ZNF644: variants seen among roughly 807,000 people sequenced by gnomAD.
ZNF644 encodes the protein zinc finger motif enhancer binding protein 2.
In ZNF644, 20 loss-of-function variants were observed where a neutral mutation model predicts 108.0. The ratio of observed to expected loss-of-function variants is 0.19; its 90% confidence interval spans 0.13 to 0.27. ZNF644 has a LOEUF of 0.27. Ranked by LOEUF, ZNF644 falls within the 10% of genes least tolerant of loss-of-function variation. The probability of loss-of-function intolerance (pLI) is 1.00; values close to 1 mark genes in which losing one functional copy is unlikely to be tolerated. For synonymous variants in ZNF644, 542 were observed against 539.1 expected, an observed-to-expected ratio of 1.01 and a Z score of -0.08; for missense variants, 1,338 against 1,548.9, an observed-to-expected ratio of 0.86 and a Z score of 2.29.
intron 1 of ZNF644, among the ~76,000 whole-genome samples, chr1:91,004,954 CAA>C (rs1659270110): frequency 6.6e-6 from 1 of 151,836 alleles, no homozygotes; most frequent in African/African-American, 2.4e-5. Context: ...ACATAGAAAA[CAA>C]AGAGCAAAAT....
chr1:90,927,429 T>G (rs1650172409), intron 4 of ZNF644, among the ~76,000 whole-genome samples: 1 of 152,092 alleles, frequency 6.6e-6, no homozygotes, highest in Non-Finnish European at 1.5e-5. Flanking sequence ...TAGTAGAGTA[T>G]CTATAAGGGT....
At chr1:90,998,208 C>G (rs1040531987) in intron 1 of ZNF644, among the ~76,000 whole-genome samples, 1 of 152,164 alleles carries the variant, frequency 6.6e-6, no homozygotes, top group East Asian at 1.9e-4. Context: ...GTGGTTCTCC[C>G]AGGACGGAGT....
intron 4 of ZNF644, among the ~76,000 whole-genome samples, chr1:90,929,073 T>TTGTTC (rs1484375073): frequency 6.6e-6 from 1 of 152,216 alleles, no homozygotes; most frequent in Non-Finnish European, 1.5e-5. Flanking sequence ...TTCTCTTGCA[T>TTGTTC]TTAAAAAGTC....
At chr1:90,991,329 AG>A (rs1657617476) in intron 1 of ZNF644, among the ~76,000 whole-genome samples, 1 of 152,228 alleles carries the variant, frequency 6.6e-6, no homozygotes, top group Non-Finnish European at 1.5e-5. Flanking sequence ...CATTCATATG[AG>A]AAGATAAAAT....
chr1:90,940,225 C>T lies in ZNF644; in HGVS notation c.1129G>A (p.Val377Ile). 1 of 1,613,970 alleles carries T rather than the reference C, an allele frequency of 6.2e-7. No individual in the cohort carries two copies. Among genetic ancestry groups the T allele is most frequent in the Non-Finnish European group, 8.5e-7 (1 of 1,179,950 alleles). Residue 377 changes from valine to isoleucine, a missense_variant, in exon 3 of 6, where the codon GTT becomes ATT. Physicochemically the swap from Val to Ile is conservative, Grantham distance 29 (BLOSUM62 3). Around this residue, in one of 6 missense-constraint regions of ZNF644, gnomAD observed 464 missense variants for 457.9 expected, o/e 1.01. Coordinates refer to ENST00000337393, the MANE Select transcript of ZNF644 (RefSeq NM_201269.3). ...TTTGAAAGAAAAGTGCTAGTATGAA[C>T]AGGTGAACTCTCTTCTCCACACTTA... ...PDKCGEESSP[V>I]HTSTFLSNTL...
chr1:90,958,771 AAAGAATG>A (rs1311045296), intron 2 of ZNF644, among the ~76,000 whole-genome samples: 2 of 152,176 alleles, frequency 1.3e-5, no homozygotes, highest in African/African-American at 4.8e-5. Context: ...ACCACGTGCA[AAAGAATG>A]AAGTTGGAAG....
intron 1 of ZNF644, 33 bp from the exon 2 acceptor site, chr1:90,982,403 AT>A (rs1326776684): frequency 1.3e-6 from 2 of 1,557,362 alleles, no homozygotes; most frequent in Middle Eastern, 1.7e-4. Context: ...CCAAGGTTTA[AT>A]TTTTTGTTTC....
chr1:91,007,123 T>C (rs1659500477), intron 1 of ZNF644, among the ~76,000 whole-genome samples: 1 of 151,760 alleles, frequency 6.6e-6, no homozygotes, highest in Non-Finnish European at 1.5e-5. Flanking sequence ...GATGTGGTTC[T>C]TTTTTTTCAG....
At chr1:90,927,884 C>T (rs140716248) in intron 4 of ZNF644, among the ~76,000 whole-genome samples, 3,250 of 152,012 alleles carry the variant, frequency 0.021, 46 homozygotes, top group Middle Eastern at 0.058. Flanking sequence ...TGCTCTGTTG[C>T]CCAGGCTGGA....
At chr1:90,933,346 C>T (rs1650949641) in intron 4 of ZNF644, among the ~76,000 whole-genome samples, 1 of 152,084 alleles carries the variant, frequency 6.6e-6, no homozygotes. Context: ...ATTCAGTCTT[C>T]ACCAGAATAG....
At chr1:90,981,276 G>A (rs1405323356) in intron 2 of ZNF644, among the ~76,000 whole-genome samples, 4 of 152,016 alleles carry the variant, frequency 2.6e-5, no homozygotes, top group African/African-American at 9.7e-5. Context: ...TACACAACAA[G>A]AGGAGGTACT....
At chr1:90,979,510 C>T (rs1373689293) in intron 2 of ZNF644, among the ~76,000 whole-genome samples, 2 of 152,014 alleles carry the variant, frequency 1.3e-5, no homozygotes, top group Non-Finnish European at 2.9e-5. Flanking sequence ...TTTATATATG[C>T]TACATTACAT....
chr1:90,940,860 G>C lies in ZNF644; in HGVS notation c.494C>G (p.Thr165Arg), dbSNP rs201646151. 6.2e-6 allele frequency: 10 copies of C among 1,614,014 alleles called. No individual in the cohort carries two copies. In the East Asian group the frequency reaches 2.2e-4, roughly 36 times the overall value. The change falls in exon 3 of 6, where the codon ACA (threonine) becomes AGA (arginine). Residue 165 changes from threonine to arginine, a missense_variant. Physicochemically the swap from Thr to Arg is moderately conservative, Grantham distance 71 (BLOSUM62 -1). Around this residue, in one of 6 missense-constraint regions of ZNF644, gnomAD observed 464 missense variants for 457.9 expected, o/e 1.01. Coordinates refer to ENST00000337393, the MANE Select transcript of ZNF644 (RefSeq NM_201269.3). ...TTGGTGTTGACTTGCTTTCTGTGGTGTAGACAGCTGAAGATCAGCTGCTAC... is the reference window on the plus strand; with the variant it reads ...TTGGTGTTGACTTGCTTTCTGTGGTCTAGACAGCTGAAGATCAGCTGCTAC... Reference protein sequence around the residue: ...LKVAADLQLSTPQKASQHQVL... With the variant: ...LKVAADLQLSRPQKASQHQVL...
intron 1 of ZNF644, among the ~76,000 whole-genome samples, chr1:90,996,385 C>T (rs1658146384): frequency 6.6e-6 from 1 of 152,174 alleles, no homozygotes; most frequent in African/African-American, 2.4e-5. Context: ...TTGGAGCAAT[C>T]TAGGAAGAGT....
chr1:90,929,392 C>T (rs570874764), intron 4 of ZNF644, among the ~76,000 whole-genome samples: 2 of 152,322 alleles, frequency 1.3e-5, no homozygotes, highest in South Asian at 4.1e-4. Context: ...CACATACCCT[C>T]CTCAGCCCAG....
chr1:91,009,356 T>A (rs1014286575), intron 1 of ZNF644, among the ~76,000 whole-genome samples: 20 of 152,296 alleles, frequency 1.3e-4, no homozygotes, highest in South Asian at 2.1e-4. Context: ...ACTGTATTAC[T>A]TCTATTTTTC....
At chr1:90,951,784 C>T (rs1653200917) in intron 2 of ZNF644, among the ~76,000 whole-genome samples, 1 of 152,188 alleles carries the variant, frequency 6.6e-6, no homozygotes, top group Non-Finnish European at 1.5e-5. Flanking sequence ...CTAAGTTTCA[C>T]AGGCAAAGAT....
chr1:90,920,792 T>C (rs1013531201), intron 4 of ZNF644, among the ~76,000 whole-genome samples: 3 of 152,076 alleles, frequency 2.0e-5, no homozygotes, highest in Non-Finnish European at 4.4e-5. Context: ...TGAGAATCCC[T>C]AGAAACTTAT....
At chr1:90,962,332 A>G (rs1654416668) in intron 2 of ZNF644, among the ~76,000 whole-genome samples, 1 of 152,044 alleles carries the variant, frequency 6.6e-6, no homozygotes, top group African/African-American at 2.4e-5. Flanking sequence ...GGAAAAAAAC[A>G]GAGTCCATAA....
Sources: gnomAD v4.1 joint callset for allele counts (sites outside exome capture counted in the v4.1 genomes callset) on GRCh38, gnomAD v4.1.1 for gene constraint, gnomAD v4.1.1 regional missense constraint, MANE v1.5 for transcripts, NCBI Gene and HGNC (gene_info 2026-07-23, HGNC 2026-07-21) for gene names.